Variants in ELF2 observed in about 807,000 individuals in gnomAD.
ELF2 encodes the protein ETS-related transcription factor Elf-2.
Under a neutral mutation model 54.8 loss-of-function variants are expected in ELF2, and 11 were observed. That is an observed-to-expected ratio of 0.20 (90% CI 0.13 to 0.33). The LOEUF (loss-of-function observed/expected upper bound fraction) is 0.33, where lower values mean the gene tolerates loss of function less well. Among genes scored for constraint, ELF2 ranks in the 10% least tolerant of loss-of-function variants. The pLI, the probability that ELF2 is intolerant of heterozygous loss-of-function variation, is 1.00. For missense variants in ELF2, 513 were observed against 703.0 expected, an observed-to-expected ratio of 0.73 and a Z score of 3.06; for synonymous variants, 203 against 245.1, an observed-to-expected ratio of 0.83 and a Z score of 1.61.
At chr4:139,093,830 G>A (rs556432883) in intron 4 of ELF2, among the ~76,000 whole-genome samples, 2 of 151,806 alleles carry the variant, frequency 1.3e-5, no homozygotes, top group East Asian at 3.9e-4. Flanking sequence ...AACAGGGATG[G>A]CCATTAATAT....
Position 139,098,068 on chromosome 4 carries a change from A to G in ELF2, c.239-24501T>C, listed in dbSNP as rs185995426. On this transcript the variant is annotated intron_variant, in intron 4 of 9. Coordinates refer to ENST00000686138, the MANE Select transcript of ELF2 (RefSeq NM_001331036.3). ...AACATTCCTCTATGGAACATGGTTA[A>G]AAACTGACATACATAACTAAAAAAT... 4.4e-3 allele frequency among the ~76,000 whole-genome samples: 675 copies of G among 152,386 alleles called. 4 individuals are homozygous for G. Among genetic ancestry groups the G allele is most frequent in the African/African-American group, 0.016 (649 of 41,600 alleles).
At chr4:139,163,661 C>T (rs1010729870) in intron 1 of ELF2, among the ~76,000 whole-genome samples, 1 of 152,132 alleles carries the variant, frequency 6.6e-6, no homozygotes, top group Non-Finnish European at 1.5e-5. Flanking sequence ...TGGCTGTAAT[C>T]CCAGCACTTT....
At position 139,125,271 on chromosome 4, in the gene ELF2, C is replaced by G; in HGVS notation, c.131G>C (p.Arg44Thr). ...CTGGGCTGCATAGCCCTGCTCTAAT[C>G]TGGCACTTGGAACTGGCTCCACAAT... ...AVIVEPVPSA[R>T]LEQGYAAQVL... The change falls in exon 4 of 10, where the codon AGA (arginine) becomes ACA (threonine). Residue 44 changes from arginine to threonine, a missense_variant. Physicochemically the swap from Arg to Thr is moderately conservative, Grantham distance 71. Around this residue, in one of 3 missense-constraint regions of ELF2, gnomAD observed 203 missense variants for 245.9 expected, o/e 0.83. Coordinates refer to ENST00000686138, the MANE Select transcript of ELF2 (RefSeq NM_001331036.3). 6.2e-7 allele frequency: 1 copy of G among 1,613,970 alleles called. No homozygotes were observed. The highest frequency in any genetic ancestry group is 8.5e-7 in the Non-Finnish European group (1 of 1,179,978).
intron 4 of ELF2, among the ~76,000 whole-genome samples, chr4:139,102,887 G>GT (rs145429765): frequency 0.042 from 6,250 of 147,636 alleles, 158 homozygotes; most frequent in Non-Finnish European, 0.065. Context: ...AGACATAAAT[G>GT]TTTTTTTTTT....
intron 3 of ELF2, among the ~76,000 whole-genome samples, chr4:139,136,271 A>G (rs911431676): frequency 6.6e-6 from 1 of 152,178 alleles, no homozygotes; most frequent in African/African-American, 2.4e-5. Flanking sequence ...TGGACTTTGT[A>G]CCTGTTTTGG....
intron 1 of ELF2, among the ~76,000 whole-genome samples, chr4:139,171,697 G>A (rs937454842): frequency 6.6e-6 from 1 of 152,090 alleles, no homozygotes; most frequent in Non-Finnish European, 1.5e-5. Context: ...GCCAAGGCAG[G>A]AGGACTGCCT....
chr4:139,111,740 T>C (rs78130398), intron 4 of ELF2, among the ~76,000 whole-genome samples: 2,250 of 152,262 alleles, frequency 0.015, 62 homozygotes, highest in African/African-American at 0.051. Flanking sequence ...GTACAAAGCA[T>C]CTACCTTGTT....
At chr4:139,173,516 T>C (rs1022816332) in intron 1 of ELF2, among the ~76,000 whole-genome samples, 2 of 152,018 alleles carry the variant, frequency 1.3e-5, no homozygotes, top group African/African-American at 4.8e-5. Flanking sequence ...CCCAGCACTT[T>C]GGGAGGCCGA....
rs1451446744 is a variant in ELF2, at chr4:139,058,285, TTC to T, written c.*696_*697del. On this transcript the variant is annotated 3_prime_UTR_variant, in exon 10 of 10. Transcript: ENST00000686138. ...GCTAGGTACAAGATTTTTAAAATTT[TTC>T]TTTTAATAAAAAAGCTTTACACAAA... The T allele has an allele frequency of 7.9e-5, 12 of 151,870 alleles. No individual in the cohort carries two copies. The East Asian group carries it at 1.9e-3, about 24-fold the overall frequency. 9.4% of individuals were successfully genotyped at this position (151,870 alleles called of 1,614,324 possible). A position where few individuals can be genotyped will look rare whatever the true frequency, so the allele number is the denominator to read the frequency against.
In ELF2 at chr4:139,058,929, T is replaced by A; in HGVS notation, c.*54A>T. ...TTTTCTTGATGACTTCCCTTGCAAA[T>A]GTTTATGTCAGTACTGCCACTAACA... On this transcript the variant is annotated 3_prime_UTR_variant, in exon 10 of 10. Coordinates refer to ENST00000686138, the MANE Select transcript of ELF2 (RefSeq NM_001331036.3). 1 of 1,518,960 alleles carries A rather than the reference T, an allele frequency of 6.6e-7. No homozygotes were observed. The highest frequency in any genetic ancestry group is 2.3e-5 in the East Asian group (1 of 43,948). 94.1% of individuals were successfully genotyped at this position (1,518,960 alleles called of 1,614,324 possible).
At chr4:139,136,192 A>G (rs1738135338) in intron 3 of ELF2, among the ~76,000 whole-genome samples, 1 of 152,192 alleles carries the variant, frequency 6.6e-6, no homozygotes, top group South Asian at 2.1e-4. Context: ...CAGAAAGTGA[A>G]TCTTGAGGGA....
intron 4 of ELF2, among the ~76,000 whole-genome samples, chr4:139,121,069 T>G (rs1736259787): frequency 6.6e-6 from 1 of 151,130 alleles, no homozygotes; most frequent in South Asian, 2.1e-4. Flanking sequence ...GGCTATTGAC[T>G]GCTTTGTATT....
chr4:139,166,921 T>G (rs1741786765), intron 1 of ELF2, among the ~76,000 whole-genome samples: 2 of 152,198 alleles, frequency 1.3e-5, no homozygotes, highest in South Asian at 4.1e-4. Flanking sequence ...TTTATGACTT[T>G]TATTTGAAAC....
chr4:139,122,100 A>G (rs896037288), intron 4 of ELF2, among the ~76,000 whole-genome samples: 1 of 152,244 alleles, frequency 6.6e-6, no homozygotes, highest in African/African-American at 2.4e-5. Context: ...CACTCCAATG[A>G]GAACATGCAG....
At chr4:139,096,074 G>A (rs1423238252) in intron 4 of ELF2, among the ~76,000 whole-genome samples, 1 of 152,082 alleles carries the variant, frequency 6.6e-6, no homozygotes, top group Non-Finnish European at 1.5e-5. Context: ...TCACGCCACT[G>A]CACTCCAGCC....
At chr4:139,170,731 TATTATATTA>T (rs1227697942) in intron 1 of ELF2, among the ~76,000 whole-genome samples, 2 of 147,642 alleles carry the variant, frequency 1.4e-5, no homozygotes, top group South Asian at 2.1e-4. Context: ...TATTATATTA[TATTATATTA>T]ATTATATTAT....
intron 4 of ELF2, among the ~76,000 whole-genome samples, chr4:139,097,620 A>C (rs1733419447): frequency 6.6e-6 from 1 of 151,358 alleles, no homozygotes; most frequent in Admixed American, 6.6e-5. Context: ...CTGTCTCAAA[A>C]AAAAAAAAAA....
intron 4 of ELF2, among the ~76,000 whole-genome samples, chr4:139,075,167 G>C (rs1730113210): frequency 6.6e-6 from 1 of 152,074 alleles, no homozygotes; most frequent in Non-Finnish European, 1.5e-5. Flanking sequence ...TTTATGCTTT[G>C]CTGATTATGT....
At chr4:139,107,484 C>T (rs535141624) in intron 4 of ELF2, among the ~76,000 whole-genome samples, 4 of 152,224 alleles carry the variant, frequency 2.6e-5, no homozygotes, top group African/African-American at 4.8e-5. Flanking sequence ...AAATATCATA[C>T]GTACCCCAAA....
Sources: gnomAD v4.1 joint callset for allele counts (sites outside exome capture counted in the v4.1 genomes callset) on GRCh38, gnomAD v4.1.1 for gene constraint, gnomAD v4.1.1 regional missense constraint, MANE v1.5 for transcripts, NCBI Gene and HGNC (gene_info 2026-07-23, HGNC 2026-07-21) for gene names.